UGT1A7: variants seen among roughly 807,000 people sequenced by gnomAD.
The protein encoded by UGT1A7 is UDP-glucuronosyltransferase 1A7.
In UGT1A7, 33 loss-of-function variants were observed where a neutral mutation model predicts 45.6. That is an observed-to-expected ratio of 0.72 (90% CI 0.55 to 0.97). The LOEUF (loss-of-function observed/expected upper bound fraction) is 0.97, where lower values mean the gene tolerates loss of function less well. UGT1A7 is among the 50% of genes least tolerant of loss of function. The pLI is 0.00. For missense variants in UGT1A7, 684 were observed against 666.2 expected (o/e 1.03, Z -0.29); for synonymous variants, 274 against 250.6 (o/e 1.09, Z -0.88).
Position 233,681,999 on chromosome 2 carries a change from G to C in UGT1A7, c.62G>C (p.Gly21Ala). The C allele has an allele frequency of 6.2e-7, 1 of 1,614,168 alleles. No individual in the cohort carries two copies. Among genetic ancestry groups the C allele is most frequent in the Non-Finnish European group, 8.5e-7 (1 of 1,180,012 alleles). ...PLYVCLLLTC[G>A]FAKAGKLLVV... ...TATGTGTGTCTACTGCTGACCTGTG[G>C]CTTTGCCAAGGCAGGGAAGCTGCTG... Residue 21 changes from glycine (G) to alanine (A), a missense_variant, in exon 1 of 5, where the codon GGC becomes GCC. Transcript: ENST00000373426.
chr2:233,691,345 A>G (rs2075039049), intron 1 of UGT1A7: 1 of 985,414 alleles, frequency 1.0e-6, no homozygotes, highest in Non-Finnish European at 1.2e-6. Context: ...GAGTCTTCGC[A>G]TGCCTTGAAC....
intron 1 of UGT1A7, chr2:233,750,715 C>G (rs1487132434): frequency 6.6e-6 from 1 of 151,920 alleles, no homozygotes; most frequent in Non-Finnish European, 1.5e-5. Context: ...AGAGCTCAGG[C>G]CATTGCTTCA....
At chr2:233,739,657 C>G (rs772609637) in intron 1 of UGT1A7, among the ~76,000 whole-genome samples, 2 of 152,202 alleles carry the variant, frequency 1.3e-5, no homozygotes, top group Non-Finnish European at 2.9e-5. Flanking sequence ...TTCTGTACCC[C>G]CATTGTGTCT....
chr2:233,713,041 T>C (rs2076272665), intron 1 of UGT1A7: 1 of 1,614,036 alleles, frequency 6.2e-7, no homozygotes, highest in South Asian at 1.1e-5. Flanking sequence ...ACAGGACTGC[T>C]GCTTCTCCTC....
Position 233,730,884 on chromosome 2 carries a change from T to A in UGT1A7, c.856-36150T>A, listed in dbSNP as rs1262820640. Among the ~76,000 whole-genome samples, 3 of 152,194 alleles carry A rather than the reference T, an allele frequency of 2.0e-5. No individual in the cohort carries two copies. In the South Asian group the frequency reaches 6.2e-4, roughly 32 times the overall value. On this transcript the variant is annotated intron_variant, in intron 1 of 4. Coordinates refer to ENST00000373426, the MANE Select transcript of UGT1A7 (RefSeq NM_019077.3). ...CCTACTGCACTCCAGGTTTCTATAG[T>A]GGGATCTACTCCTTTACCAAAAATT...
intron 1 of UGT1A7, among the ~76,000 whole-genome samples, chr2:233,688,411 C>A (rs2074893193): frequency 6.6e-6 from 1 of 152,184 alleles, no homozygotes; most frequent in South Asian, 2.1e-4. Flanking sequence ...TTTTCGAGCC[C>A]ATGTGCCTAA....
rs886044683 is a variant in UGT1A7 at position 233,760,424 on chromosome 2, C to T, written c.856-6610C>T. The T allele has an allele frequency of 3.3e-5, 53 of 1,614,062 alleles. No individual in the cohort carries two copies. Among genetic ancestry groups the T allele is most frequent in the Non-Finnish European group, 4.4e-5 (52 of 1,180,038 alleles). On this transcript the variant is annotated intron_variant, in intron 1 of 4. Coordinates refer to ENST00000373426, the MANE Select transcript of UGT1A7 (RefSeq NM_019077.3). ...AGCCACTGGCTGAGCATGCTTGGGG[C>T]CATCCAGCAGCTGCAGCAGAGGGGA...
Position 233,682,521 on chromosome 2 carries a change from T to C in UGT1A7, c.584T>C (p.Leu195Ser). ...CTTTCCTATGTCCCCAGACTTCTCT[T>C]AGGGTTCTCAGACGCCATGACTTTC... Reference protein sequence around the residue: ...APLSYVPRLLLGFSDAMTFKE... With the variant: ...APLSYVPRLLSGFSDAMTFKE... Residue 195 changes from leucine (L) to serine (S), a missense_variant, in exon 1 of 5, where the codon TTA becomes TCA. Physicochemically the swap from Leu to Ser is moderately radical, Grantham distance 145 (BLOSUM62 -2). Transcript: ENST00000373426. 2 of 1,613,930 alleles carry C rather than the reference T, an allele frequency of 1.2e-6. No homozygotes were observed. Among genetic ancestry groups the C allele is most frequent in the East Asian group, 2.2e-5 (1 of 44,878 alleles).
At chr2:233,734,277 A>G (rs1251036524) in intron 1 of UGT1A7, among the ~76,000 whole-genome samples, 2 of 152,092 alleles carry the variant, frequency 1.3e-5, no homozygotes, top group African/African-American at 4.8e-5. Context: ...CCAGGAATTT[A>G]TCCATTTCTT....
At chr2:233,701,673 A>T (rs544272724) in intron 1 of UGT1A7, among the ~76,000 whole-genome samples, 2 of 152,338 alleles carry the variant, frequency 1.3e-5, no homozygotes, top group South Asian at 4.1e-4. Context: ...TCAAACTAGA[A>T]CTCAGAATTA....
At chr2:233,689,504 G>T (rs1172827184) in intron 1 of UGT1A7, among the ~76,000 whole-genome samples, 1 of 152,202 alleles carries the variant, frequency 6.6e-6, no homozygotes, top group Non-Finnish European at 1.5e-5. Context: ...ATACGCAGAG[G>T]TTACACATTG....
intron 1 of UGT1A7, chr2:233,742,993 T>G: frequency 4.3e-6 from 1 of 231,186 alleles, no homozygotes; most frequent in Admixed American, 5.2e-5. Flanking sequence ...AATAGCAAAT[T>G]GCATACAGAT....
chr2:233,713,057 C>T (rs145133773), intron 1 of UGT1A7: 14 of 1,613,998 alleles, frequency 8.7e-6, no homozygotes, highest in Non-Finnish European at 1.2e-5. Flanking sequence ...TCCTCAGTGT[C>T]CAGCCCTGGG....
intron 1 of UGT1A7, among the ~76,000 whole-genome samples, chr2:233,745,638 C>T (rs530940349): frequency 4.6e-5 from 7 of 151,244 alleles, no homozygotes; most frequent in South Asian, 2.1e-4. Context: ...GAAAGCTGGC[C>T]GAGGGTAGAG....
chr2:233,721,854 C>A, intron 1 of UGT1A7: 1 of 513,502 alleles, frequency 1.9e-6, no homozygotes. Flanking sequence ...AGCCCCACTG[C>A]TCGGCCCTGG....
intron 1 of UGT1A7, among the ~76,000 whole-genome samples, chr2:233,697,492 TTTTG>T (rs1207342841): frequency 3.2e-4 from 49 of 151,868 alleles, no homozygotes; most frequent in African/African-American, 9.4e-4. Flanking sequence ...GGTTTGCCAA[TTTTG>T]TTTATCTTTT....
chr2:233,743,498 G>A (rs1452384888), intron 1 of UGT1A7: 3 of 1,367,176 alleles, frequency 2.2e-6, no homozygotes, highest in Middle Eastern at 2.1e-4. Context: ...GCAGAGAAAA[G>A]GGGTGCAGAC....
intron 1 of UGT1A7, among the ~76,000 whole-genome samples, chr2:233,744,647 A>G (rs1048416794): frequency 6.6e-6 from 1 of 151,912 alleles, no homozygotes; most frequent in Non-Finnish European, 1.5e-5. Context: ...CAGCTTCTGT[A>G]TTCAATCTAC....
At chr2:233,738,677 A>G (rs1328958529) in intron 1 of UGT1A7, among the ~76,000 whole-genome samples, 1 of 152,198 alleles carries the variant, frequency 6.6e-6, no homozygotes, top group African/African-American at 2.4e-5. Context: ...AGATGATCTG[A>G]AATTGGAACT....
Sources: gnomAD v4.1 joint callset for allele counts (sites outside exome capture counted in the v4.1 genomes callset) on GRCh38, gnomAD v4.1.1 for gene constraint, MANE v1.5 for transcripts, NCBI Gene and HGNC (gene_info 2026-07-23, HGNC 2026-07-21) for gene names.